Variants in TRAF2 observed in about 807,000 individuals in gnomAD.
The protein encoded by TRAF2 is TNF receptor-associated factor 2.
A neutral mutation model predicts 55.6 loss-of-function variants in TRAF2; 6 were observed. The ratio of observed to expected loss-of-function variants is 0.11; its 90% confidence interval spans 0.06 to 0.21. TRAF2 has a LOEUF of 0.21. TRAF2 is among the 10% of genes least tolerant of loss of function. TRAF2 has a pLI of 1.00. For missense variants in TRAF2, 561 were observed against 684.5 expected, an observed-to-expected ratio of 0.82 and a Z score of 2.01; for synonymous variants, 329 against 276.3, an observed-to-expected ratio of 1.19 and a Z score of -1.89.
In TRAF2 at chr9:136,899,617, C is replaced by T. The variant is rs756037000; in HGVS notation, c.212C>T (p.Ala71Val). Residue 71 changes from alanine to valine, a missense_variant, in exon 3 of 11, where the codon GCC becomes GTC. This residue lies in a region of TRAF2 where 426 missense variants were observed against 476.8 expected (regional missense o/e 0.89). Transcript: ENST00000247668. ...AGCTCTGGGCCTCAGAACTGTGCTG[C>T]CTGTGTTCACGAGGGCATATATGAA... Reference protein sequence around the residue: ...ILSSGPQNCAACVHEGIYEEG... With the variant: ...ILSSGPQNCAVCVHEGIYEEG... 3.1e-6 allele frequency: 5 copies of T among 1,613,136 alleles called. No homozygotes were observed. In the East Asian group the frequency reaches 8.9e-5, roughly 29 times the overall value.
At chr9:136,891,090 G>A (rs1467473866) in intron 1 of TRAF2, among the ~76,000 whole-genome samples, 1 of 151,996 alleles carries the variant, frequency 6.6e-6, no homozygotes, top group Non-Finnish European at 1.5e-5. Context: ...GCCATTTTTT[G>A]TATTTTTAGA....
Position 136,921,066 on chromosome 9 carries a change from T to C in TRAF2, c.989T>C (p.Leu330Pro). Residue 330 changes from leucine to proline, a missense_variant, in exon 9 of 11, where the codon CTC (leucine) becomes CCC (proline). Coordinates refer to ENST00000247668, the MANE Select transcript of TRAF2 (RefSeq NM_021138.4). Reference sequence around the variant, plus strand: ...CAGCAGCTGGAGAGGAGCATTGGCCTCAAGGACCTGGCGATGGCTGACTTG... The same window carrying C: ...CAGCAGCTGGAGAGGAGCATTGGCCCCAAGGACCTGGCGATGGCTGACTTG... The part of the protein sequence containing the change: ...KVQQLERSIG[L>P]KDLAMADLEQ... The C allele has an allele frequency of 6.2e-7, 1 of 1,613,976 alleles. No individual in the cohort carries two copies. The highest frequency in any genetic ancestry group is 1.7e-4 in the Middle Eastern group (1 of 6,058).
chr9:136,926,433 T>G lies in TRAF2; in HGVS notation c.*532T>G, dbSNP rs1850533969. The G allele has an allele frequency of 3.5e-6, 1 of 284,530 alleles. No individual in the cohort carries two copies. The highest frequency in any genetic ancestry group is 4.4e-5 in the Admixed American group (1 of 22,518). 17.6% of individuals were successfully genotyped at this position (284,530 alleles called of 1,614,324 possible). The stretch of plus-strand genomic sequence containing the variant: ...ATTCCTAGACCCCTGGGTGCTTGTC[T>G]GCACAGAGCTCTGGTCTGTGCCACC... On this transcript the variant is annotated 3_prime_UTR_variant, in exon 11 of 11. Coordinates refer to ENST00000247668, the MANE Select transcript of TRAF2 (RefSeq NM_021138.4).
upstream of TRAF2, among the ~76,000 whole-genome samples, chr9:136,885,295 C>A (rs773844441): frequency 3.9e-5 from 6 of 152,172 alleles, no homozygotes; most frequent in Non-Finnish European, 8.8e-5. Context: ...AGACTTACCT[C>A]CGTGAACGTT....
At chr9:136,898,663 C>T (rs770354278) in intron 1 of TRAF2, 50 bp from the exon 2 acceptor site, 13 of 1,598,048 alleles carry the variant, frequency 8.1e-6, no homozygotes, top group Admixed American at 5.0e-5. Flanking sequence ...GGTTTTGTCT[C>T]GAGGACTGTT....
intron 10 of TRAF2, among the ~76,000 whole-genome samples, chr9:136,924,377 T>C (rs549553247): frequency 6.7e-6 from 1 of 149,622 alleles, no homozygotes; most frequent in South Asian, 2.2e-4. Context: ...CTGGGCAACA[T>C]AGTGAGAACC....
rs1179259859 is a variant in TRAF2 at position 136,919,298 on chromosome 9, T to TTTG, written c.679-934_679-933insGTT. 1.4e-3 allele frequency among the ~76,000 whole-genome samples: 203 copies of TTTG among 142,052 alleles called. 1 individual carries two copies. Among genetic ancestry groups the TTTG allele is most frequent in the African/African-American group, 5.1e-3 (194 of 38,058 alleles). The allele number at this position is 142,052 out of a possible 152,430, so 93.2% of individuals were successfully genotyped here. On this transcript the variant is annotated intron_variant, in intron 7 of 10. Transcript: ENST00000247668. The stretch of plus-strand genomic sequence containing the variant: ...CTTCTCTGGAACTTGTGGGTGGCTT[T>TTTG]TTTTTTTTTTTTTTTTTGAGACAGA...
chr9:136,919,571 A>G (rs1172752331), intron 7 of TRAF2, among the ~76,000 whole-genome samples: 3 of 152,094 alleles, frequency 2.0e-5, no homozygotes, highest in African/African-American at 7.2e-5. Flanking sequence ...CTGGGATTAC[A>G]GGCGGGAGCC....
chr9:136,890,633 T>C (rs934662709), intron 1 of TRAF2: 1 of 152,246 alleles, frequency 6.6e-6, no homozygotes, highest in Non-Finnish European at 1.5e-5. Flanking sequence ...TGTAGCACTT[T>C]TGAGCCTTCG....
chr9:136,904,392 A>G (rs377433678), intron 4 of TRAF2, among the ~76,000 whole-genome samples: 1 of 151,940 alleles, frequency 6.6e-6, no homozygotes, highest in Non-Finnish European at 1.5e-5. Flanking sequence ...TTTAAAGAAC[A>G]GTCTTTTTTA....
intron 9 of TRAF2, chr9:136,922,358 C>T (rs1169618840): frequency 6.6e-6 from 1 of 152,368 alleles, no homozygotes; most frequent in Non-Finnish European, 1.5e-5. Context: ...GCACTGCTTT[C>T]TGGTGGCGAC....
chr9:136,911,264 CTTTTT>C (rs34077067), intron 6 of TRAF2, among the ~76,000 whole-genome samples: 35 of 122,518 alleles, frequency 2.9e-4, no homozygotes, highest in African/African-American at 3.5e-4. Flanking sequence ...TCCTTCCCGT[CTTTTT>C]TTTTTTTTTT....
intron 1 of TRAF2, among the ~76,000 whole-genome samples, chr9:136,890,069 G>A (rs1156265187): frequency 6.9e-6 from 1 of 144,768 alleles, no homozygotes; most frequent in Middle Eastern, 3.6e-3. Flanking sequence ...GCCGGTCACC[G>A]CGTGTGTGAG....
chr9:136,925,827 A>G lies in TRAF2; in HGVS notation c.1432A>G (p.Met478Val). The G allele has an allele frequency of 2.5e-6, 4 of 1,614,250 alleles. No homozygotes were observed. Among genetic ancestry groups the G allele is most frequent in the Non-Finnish European group, 3.4e-6 (4 of 1,180,042 alleles). ...CCCCCTCTTCTGCCCCGTCTCCAAG[A>G]TGGAGGCAAAGAATTCCTACGTGCG... Reference protein sequence around the residue: ...GCPLFCPVSKMEAKNSYVRDD... With the variant: ...GCPLFCPVSKVEAKNSYVRDD... Residue 478 changes from methionine (M) to valine (V), a missense_variant, in exon 11 of 11, where the codon ATG (methionine) becomes GTG (valine). Met to Val is a conservative substitution (Grantham distance 21, BLOSUM62 1). Around this residue, in one of 2 missense-constraint regions of TRAF2, gnomAD observed 135 missense variants for 207.7 expected, o/e 0.65. Transcript: ENST00000247668.
chr9:136,916,660 T>C, intron 7 of TRAF2, 45 bp downstream of exon 7: 1 of 1,587,770 alleles, frequency 6.3e-7, no homozygotes, highest in Non-Finnish European at 8.6e-7. Flanking sequence ...TCATCCTGGG[T>C]GTGGTCTTCA....
At position 136,923,913 on chromosome 9, in the gene TRAF2, C is replaced by T. The variant is rs750728688; in HGVS notation, c.1200C>T (p.Gly400=). Reference sequence around the variant, plus strand: ...TGCGTATCTACCTGAACGGCGACGGCACCGGGCGAGGAACACACCTGTCCC... The same window carrying T: ...TGCGTATCTACCTGAACGGCGACGGTACCGGGCGAGGAACACACCTGTCCC... ...MCLRIYLNGD[G]TGRGTHLSLF... is the part of the protein sequence containing the mutation. The change falls in exon 10 of 11, where the codon GGC becomes GGT. Residue 400 remains glycine (G), a synonymous_variant. Coordinates refer to ENST00000247668, the MANE Select transcript of TRAF2 (RefSeq NM_021138.4). 8 of 1,614,044 alleles carry T rather than the reference C, an allele frequency of 5.0e-6. No homozygotes were observed. Among genetic ancestry groups the T allele is most frequent in the Non-Finnish European group, 5.9e-6 (7 of 1,180,018 alleles).
chr9:136,914,069 G>A (rs546975974), intron 6 of TRAF2, among the ~76,000 whole-genome samples: 2 of 152,346 alleles, frequency 1.3e-5, no homozygotes, highest in African/African-American at 4.8e-5. Context: ...GCCCCTTCAT[G>A]GTGATGCTGG....
In TRAF2 at chr9:136,925,981, TCTCAC is replaced by T; in HGVS notation, c.*81_*85del. ...GAGGGGCCACCACGCTGGGCCAGGG[TCTCAC>T]TGTACAAGTGGGCAGGGGCCGCGCT... On this transcript the variant is annotated 3_prime_UTR_variant, in exon 11 of 11. Transcript: ENST00000247668. 6.5e-7 allele frequency: 1 copy of T among 1,545,702 alleles called. No individual in the cohort carries two copies. The highest frequency in any genetic ancestry group is 1.4e-5 in the African/African-American group (1 of 73,698).
At chr9:136,912,740 G>A (rs1850145799) in intron 6 of TRAF2, among the ~76,000 whole-genome samples, 1 of 63,100 alleles carries the variant, frequency 1.6e-5, no homozygotes, top group Non-Finnish European at 3.2e-5. Flanking sequence ...GAGAGGCTGA[G>A]GTGCGAAAAT....
Sources: gnomAD v4.1 joint callset for allele counts (sites outside exome capture counted in the v4.1 genomes callset) on GRCh38, gnomAD v4.1.1 for gene constraint, gnomAD v4.1.1 regional missense constraint, MANE v1.5 for transcripts, NCBI Gene and HGNC (gene_info 2026-07-23, HGNC 2026-07-21) for gene names.